PDE8B: variants seen among roughly 807,000 people sequenced by gnomAD.
The protein encoded by PDE8B is phosphodiesterase 8B.
PDE8B carries 26 observed loss-of-function variants against 101.3 expected under a neutral mutation model. The ratio of observed to expected loss-of-function variants is 0.26; its 90% CI spans 0.19 to 0.36. The LOEUF (loss-of-function observed/expected upper bound fraction) is 0.36. Ranked by LOEUF, PDE8B falls within the 10% of genes least tolerant of loss-of-function variation. The pLI is 1.00. For missense variants in PDE8B, 810 were observed against 1,163.1 expected (o/e 0.70, Z 4.42); for synonymous variants, 424 against 429.3 (o/e 0.99, Z 0.15).
At chr5:77,237,504 A>G (rs1229895205) in intron 1 of PDE8B, among the ~76,000 whole-genome samples, 1 of 152,166 alleles carries the variant, frequency 6.6e-6, no homozygotes, top group Admixed American at 6.5e-5. Context: ...TTATATAAAG[A>G]AATCTTCATG....
At chr5:77,149,710 G>A in the PDE8B span, among the ~76,000 whole-genome samples, 2 of 152,120 alleles carry the variant, frequency 1.3e-5, no homozygotes, top group Non-Finnish European at 2.9e-5. Flanking sequence ...CTTAGATCCT[G>A]CAGCTTTGCT....
At chr5:77,371,967 G>A (rs1358591769) in intron 10 of PDE8B, among the ~76,000 whole-genome samples, 2 of 152,134 alleles carry the variant, frequency 1.3e-5, no homozygotes, top group Admixed American at 6.6e-5. Context: ...TTGGGAGGCC[G>A]AGGTTGGCAT....
chr5:77,167,253 C>G, the PDE8B span, among the ~76,000 whole-genome samples: 1 of 152,192 alleles, frequency 6.6e-6, no homozygotes, highest in African/African-American at 2.4e-5. Context: ...CTTGTCAACA[C>G]TCCTCACCAT....
chr5:77,313,964 A>G (rs1283174937), intron 2 of PDE8B, among the ~76,000 whole-genome samples: 1 of 152,192 alleles, frequency 6.6e-6, no homozygotes, highest in African/African-American at 2.4e-5. Flanking sequence ...AGTTGGTGTC[A>G]TATCTAAGAA....
intron 10 of PDE8B, among the ~76,000 whole-genome samples, chr5:77,364,728 G>A (rs761395358): frequency 3.9e-5 from 6 of 152,064 alleles, no homozygotes; most frequent in Non-Finnish European, 7.4e-5. Flanking sequence ...TGCAACGTAT[G>A]TACTCGAGGG....
rs1467327600 is a variant in PDE8B at position 77,354,030 on chromosome 5, C to T, written c.1167+624C>T. Reference sequence around the variant, plus strand: ...TGTAGATTAACAATTATACAACAAACATAATTATCAGTGATCTATTTTTGA... The same window carrying T: ...TGTAGATTAACAATTATACAACAAATATAATTATCAGTGATCTATTTTTGA... On this transcript the variant is annotated intron_variant, in intron 10 of 21. Coordinates refer to ENST00000264917, the MANE Select transcript of PDE8B (RefSeq NM_003719.5). Among the ~76,000 whole-genome samples the T allele has an allele frequency of 3.9e-5, 6 of 152,308 alleles. No homozygotes were observed. The East Asian group carries it at 1.2e-3, about 29-fold the overall frequency.
chr5:77,423,879 C>T lies in PDE8B; in HGVS notation c.2419-1888C>T, dbSNP rs1014492884. Among the ~76,000 whole-genome samples, 16 of 151,804 alleles carry T rather than the reference C, an allele frequency of 1.1e-4. No homozygotes were observed. The East Asian group carries it at 1.4e-3, about 13-fold the overall frequency. Reference sequence around the variant, plus strand: ...CTCGAATTCCTGAGCTCAGGCAATCCGCCTGCCTTGGCCTCCCAAAGTGCT... The same window carrying T: ...CTCGAATTCCTGAGCTCAGGCAATCTGCCTGCCTTGGCCTCCCAAAGTGCT... On this transcript the variant is annotated intron_variant, in intron 20 of 21. Transcript: ENST00000264917.
At chr5:77,361,516 CTTTTT>C in intron 10 of PDE8B, among the ~76,000 whole-genome samples, 1 of 139,992 alleles carries the variant, frequency 7.1e-6, no homozygotes. Flanking sequence ...TTTCATCTTA[CTTTTT>C]TTTTTTTTTT....
At chr5:77,260,645 T>C (rs940603358) in intron 1 of PDE8B, among the ~76,000 whole-genome samples, 1 of 143,838 alleles carries the variant, frequency 7.0e-6, no homozygotes, top group Non-Finnish European at 1.5e-5. Context: ...TGGAGTGCAA[T>C]GGTGCAATCT....
At chr5:77,398,622 G>A (rs911590488) in intron 10 of PDE8B, among the ~76,000 whole-genome samples, 1 of 152,136 alleles carries the variant, frequency 6.6e-6, no homozygotes, top group Non-Finnish European at 1.5e-5. Flanking sequence ...CGCCCGACCG[G>A]CTGTTTTACT....
Position 77,222,526 on chromosome 5 carries a change from A to G in PDE8B, c.339+11262A>G, listed in dbSNP as rs186325643. Among the ~76,000 whole-genome samples the G allele has an allele frequency of 3.8e-3, 577 of 152,262 alleles. 2 individuals are homozygous for G. Among genetic ancestry groups the G allele is most frequent in the African/African-American group, 0.013 (546 of 41,554 alleles). ...AATCCCAGTTACTCAGGAGGCTGAG[A>G]CAGGAGGATTACTTGAATCTGGGAG... On this transcript the variant is annotated intron_variant, in intron 1 of 21. Transcript: ENST00000264917.
At chr5:77,231,014 A>G (rs892821040) in intron 1 of PDE8B, among the ~76,000 whole-genome samples, 1 of 152,228 alleles carries the variant, frequency 6.6e-6, no homozygotes, top group African/African-American at 2.4e-5. Flanking sequence ...TTGGTTCAGA[A>G]GTTTAGCATT....
At chr5:77,226,199 T>C (rs1752363890) in intron 1 of PDE8B, among the ~76,000 whole-genome samples, 1 of 150,626 alleles carries the variant, frequency 6.6e-6, no homozygotes, top group African/African-American at 2.5e-5. Context: ...ACGTAAAATA[T>C]GGTATATTCA....
At chr5:77,292,809 G>A (rs1368200535) in intron 1 of PDE8B, among the ~76,000 whole-genome samples, 1 of 152,002 alleles carries the variant, frequency 6.6e-6, no homozygotes, top group Non-Finnish European at 1.5e-5. Flanking sequence ...TTTTTTCTCA[G>A]TTTTGTATTT....
intron 10 of PDE8B, among the ~76,000 whole-genome samples, chr5:77,395,458 T>C (rs1160129106): frequency 1.4e-5 from 2 of 144,842 alleles, no homozygotes; most frequent in Admixed American, 1.4e-4. Context: ...CTGGGACAAA[T>C]TCCATGACTC....
At position 77,259,066 on chromosome 5, in the gene PDE8B, A is replaced by ACCCCCCCC. The variant is rs1234322626; in HGVS notation, c.339+47803_339+47804insCCCCCCCC. ...CACACACAGACACACACACACACAC[A>ACCCCCCCC]CACCCCCGCCCCCCCCCCACACACA... is the stretch of plus-strand genomic sequence containing the variant. On this transcript the variant is annotated intron_variant, in intron 1 of 21. Coordinates refer to ENST00000264917, the MANE Select transcript of PDE8B (RefSeq NM_003719.5). Among the ~76,000 whole-genome samples the ACCCCCCCC allele has an allele frequency of 1.7e-4, 11 of 64,756 alleles. 2 individuals carry two copies. The highest frequency in any genetic ancestry group is 7.1e-4 in the Admixed American group (4 of 5,622). The allele number at this position is 64,756 out of a possible 152,430, so 42.5% of individuals were successfully genotyped here. A position where few individuals can be genotyped will look rare whatever the true frequency, so the allele number is the denominator to read the frequency against.
At chr5:77,146,974 G>T in the PDE8B span, 1 of 455,656 alleles carries the variant, frequency 2.2e-6, no homozygotes. Context: ...ATGTGGAAGG[G>T]CACTGCCTCA....
chr5:77,194,420 T>C, the PDE8B span, among the ~76,000 whole-genome samples: 1 of 152,234 alleles, frequency 6.6e-6, no homozygotes, highest in East Asian at 1.9e-4. Context: ...CATTGACTTT[T>C]TTATTGTGGT....
In PDE8B at chr5:77,258,188, C is replaced by T. The variant is rs546936818; in HGVS notation, c.339+46924C>T. Reference sequence around the variant, plus strand: ...CCTGTAATCCCAGCTACTCAGGAGGCTGAGGCAGGAGAATTGCTTGAACTG... The same window carrying T: ...CCTGTAATCCCAGCTACTCAGGAGGTTGAGGCAGGAGAATTGCTTGAACTG... On this transcript the variant is annotated intron_variant, in intron 1 of 21. Transcript: ENST00000264917. Among the ~76,000 whole-genome samples the T allele has an allele frequency of 4.0e-5, 6 of 149,794 alleles. No homozygotes were observed. The Admixed American group carries it at 4.1e-4, about 10-fold the overall frequency.
Sources: allele counts gnomAD v4.1 joint callset (sites outside exome capture counted in the v4.1 genomes callset), GRCh38; gene constraint gnomAD v4.1.1; transcripts MANE v1.5; gene names NCBI Gene and HGNC (gene_info 2026-07-23, HGNC 2026-07-21).